Variants in PTPRM observed in about 807,000 individuals in gnomAD.
PTPRM encodes the protein protein tyrosine phosphatase receptor type M, also known as receptor-type tyrosine-protein phosphatase mu.
PTPRM carries 47 observed loss-of-function variants against 186.7 expected under a neutral mutation model. That is an observed-to-expected ratio of 0.25 (90% confidence interval 0.20 to 0.32). The LOEUF is 0.32. PTPRM is among the 10% of genes least tolerant of loss of function. PTPRM has a pLI of 1.00. For synonymous variants in PTPRM, 668 were observed against 674.9 expected (o/e 0.99, Z 0.16); for missense variants, 1,494 against 1,865.0 (o/e 0.80, Z 3.66).
intron 5 of PTPRM, among the ~76,000 whole-genome samples, chr18:7,941,669 C>T (rs1347472978): frequency 6.6e-6 from 1 of 152,216 alleles, no homozygotes; most frequent in Non-Finnish European, 1.5e-5. Context: ...AGGAAATAGC[C>T]TTGTGCCAAG....
intron 1 of PTPRM, among the ~76,000 whole-genome samples, chr18:7,655,844 T>G (rs1039827491): frequency 6.6e-6 from 1 of 152,122 alleles, no homozygotes. Flanking sequence ...GGCAAAACTA[T>G]GTACATAGGA....
At chr18:7,576,560 C>T (rs1437250241) in intron 1 of PTPRM, among the ~76,000 whole-genome samples, 2 of 152,178 alleles carry the variant, frequency 1.3e-5, no homozygotes, top group East Asian at 1.9e-4. Context: ...AATGTAGCTT[C>T]GACTTCCTGG....
intron 23 of PTPRM, among the ~76,000 whole-genome samples, chr18:8,356,646 C>T (rs565229679): frequency 9.2e-5 from 14 of 152,100 alleles, no homozygotes; most frequent in Admixed American, 3.9e-4. Flanking sequence ...TAAAGGTGTT[C>T]GCCTGGAATG....
chr18:7,712,958 C>G (rs1005435327), intron 1 of PTPRM, among the ~76,000 whole-genome samples: 1 of 152,050 alleles, frequency 6.6e-6, no homozygotes, highest in African/African-American at 2.4e-5. Context: ...AGGATATTAT[C>G]CAGGAGAAAT....
At chr18:7,903,441 G>A (rs2049807555) in intron 3 of PTPRM, among the ~76,000 whole-genome samples, 1 of 152,220 alleles carries the variant, frequency 6.6e-6, no homozygotes, top group African/African-American at 2.4e-5. Context: ...TGTTTCCTGG[G>A]AGGCAGGATG....
chr18:8,007,662 A>T (rs940988529), intron 7 of PTPRM, among the ~76,000 whole-genome samples: 1 of 152,192 alleles, frequency 6.6e-6, no homozygotes, highest in African/African-American at 2.4e-5. Flanking sequence ...CAAATGTCTG[A>T]GACACCGTGG....
intron 14 of PTPRM, among the ~76,000 whole-genome samples, chr18:8,186,297 G>T (rs920775936): frequency 7.2e-6 from 1 of 138,138 alleles, no homozygotes; most frequent in Non-Finnish European, 1.5e-5. Flanking sequence ...CTGCACTCCA[G>T]CCTGGGCAAC....
intron 1 of PTPRM, among the ~76,000 whole-genome samples, chr18:7,622,292 A>G (rs1230233272): frequency 2.0e-5 from 3 of 151,844 alleles, no homozygotes; most frequent in Non-Finnish European, 4.4e-5. Context: ...GTGTATATGC[A>G]TTATTCCTTT....
intron 1 of PTPRM, among the ~76,000 whole-genome samples, chr18:7,718,165 A>G (rs1446325705): frequency 6.6e-6 from 1 of 152,256 alleles, no homozygotes; most frequent in African/African-American, 2.4e-5. Flanking sequence ...GCTTCAAATT[A>G]TACTACAAGT....
chr18:8,236,181 C>G (rs191386320), intron 14 of PTPRM, among the ~76,000 whole-genome samples: 18 of 152,004 alleles, frequency 1.2e-4, no homozygotes, highest in African/African-American at 4.3e-4. Context: ...AAATCTCCAA[C>G]TATAGTAGTG....
At chr18:7,965,610 G>T (rs2053989182) in intron 7 of PTPRM, among the ~76,000 whole-genome samples, 1 of 152,096 alleles carries the variant, frequency 6.6e-6, no homozygotes, top group Non-Finnish European at 1.5e-5. Context: ...AGTGTCGCTG[G>T]CCTCAGAGCG....
At chr18:8,303,351 G>A (rs1228447468) in intron 20 of PTPRM, among the ~76,000 whole-genome samples, 1 of 152,100 alleles carries the variant, frequency 6.6e-6, no homozygotes, top group Non-Finnish European at 1.5e-5. Flanking sequence ...TGGAGCTTTG[G>A]ACCTACCCCA....
intron 20 of PTPRM, among the ~76,000 whole-genome samples, chr18:8,313,835 T>C (rs139717810): frequency 1.5e-3 from 231 of 152,186 alleles, no homozygotes; most frequent in African/African-American, 5.3e-3. Context: ...AGTGACAACA[T>C]ACGAAGCACA....
chr18:7,673,460 A>T (rs2039264542), intron 1 of PTPRM, among the ~76,000 whole-genome samples: 1 of 152,232 alleles, frequency 6.6e-6, no homozygotes. Context: ...CTGCGTGAAG[A>T]AGGAGAAAAA....
chr18:8,240,828 A>AGAGAGAGAGAGAGAGAG (rs879710754), intron 14 of PTPRM, among the ~76,000 whole-genome samples: 9 of 31,316 alleles, frequency 2.9e-4, no homozygotes, highest in East Asian at 7.8e-4. Context: ...GAGAGAGAGA[A>AGAGAGAGAGAGAGAGAG]AGAAAGAAAG....
At chr18:7,692,617 T>C (rs1471360763) in intron 1 of PTPRM, among the ~76,000 whole-genome samples, 3 of 152,226 alleles carry the variant, frequency 2.0e-5, no homozygotes, top group Admixed American at 6.5e-5. Flanking sequence ...AATTAGAAAT[T>C]TTTCAGTGAT....
intron 1 of PTPRM, among the ~76,000 whole-genome samples, chr18:7,625,766 G>A (rs1298030239): frequency 6.6e-6 from 1 of 152,046 alleles, no homozygotes; most frequent in Non-Finnish European, 1.5e-5. Context: ...AACTCCTGAT[G>A]TCAGGTGATC....
intron 5 of PTPRM, among the ~76,000 whole-genome samples, chr18:7,947,817 C>T (rs962918415): frequency 6.6e-6 from 1 of 152,132 alleles, no homozygotes; most frequent in Non-Finnish European, 1.5e-5. Flanking sequence ...CTAGCCAGCT[C>T]ATCTTTCCTA....
chr18:7,946,666 A>T (rs1042603302), intron 5 of PTPRM, among the ~76,000 whole-genome samples: 2 of 152,200 alleles, frequency 1.3e-5, no homozygotes, highest in Non-Finnish European at 2.9e-5. Flanking sequence ...GATGCTGTCT[A>T]TGAGAACAAA....
Sources: gnomAD v4.1 joint callset for allele counts (sites outside exome capture counted in the v4.1 genomes callset) on GRCh38, gnomAD v4.1.1 for gene constraint, MANE v1.5 for transcripts, NCBI Gene and HGNC (gene_info 2026-07-23, HGNC 2026-07-21) for gene names.